The following COL24A1 variants were observed in gnomAD, a reference collection of about 807,000 sequenced individuals.
The protein encoded by COL24A1 is collagen alpha-1(XXIV) chain.
A neutral mutation model predicts 253.9 loss-of-function variants in COL24A1; 224 were observed. That is an observed-to-expected ratio of 0.88 (90% CI 0.79 to 0.99). The LOEUF (loss-of-function observed/expected upper bound fraction) is 0.99. Ranked by LOEUF, COL24A1 falls within the 50% of genes least tolerant of loss-of-function variation. The pLI, the probability that COL24A1 is intolerant of heterozygous loss-of-function variation, is 0.00. For missense variants in COL24A1, 2,131 were observed against 2,068.5 expected (o/e 1.03, Z -0.59); for synonymous variants, 685 against 673.7 (o/e 1.02, Z -0.26).
In COL24A1 at chr1:86,093,944, G is replaced by A. The variant is rs896091383; in HGVS notation, c.1600-1624C>T. Among the ~76,000 whole-genome samples the A allele has an allele frequency of 1.8e-4, 27 of 152,068 alleles. 3 individuals carry two copies. Among genetic ancestry groups the A allele is most frequent in the East Asian group, 1.2e-3 (6 of 5,184 alleles). On this transcript the variant is annotated intron_variant, in intron 5 of 59. Coordinates refer to ENST00000370571, the MANE Select transcript of COL24A1 (RefSeq NM_152890.7). ...CAATTCAAAACCACAATGAGATACC[G>A]TCTCACAACAGACAGAATGGCTATT...
intron 22 of COL24A1, 32 bp downstream of exon 22, chr1:85,970,195 C>A: frequency 6.5e-7 from 1 of 1,530,296 alleles, no homozygotes; most frequent in Non-Finnish European, 8.8e-7. Context: ...TCAAGAAAAG[C>A]ACTTATGGAA....
intron 24 of COL24A1, among the ~76,000 whole-genome samples, chr1:85,934,351 G>C (rs1688071088): frequency 6.6e-6 from 1 of 152,136 alleles, no homozygotes; most frequent in Non-Finnish European, 1.5e-5. Flanking sequence ...CAATCACAAT[G>C]ATTTAAATTC....
intron 2 of COL24A1, among the ~76,000 whole-genome samples, chr1:86,139,337 T>G (rs894536851): frequency 2.6e-5 from 4 of 152,026 alleles, no homozygotes; most frequent in Non-Finnish European, 4.4e-5. Flanking sequence ...ATTGACTCTG[T>G]GGGGGGAATA....
intron 20 of COL24A1, among the ~76,000 whole-genome samples, chr1:85,983,227 G>C (rs1269300451): frequency 2.6e-5 from 4 of 151,940 alleles, no homozygotes; most frequent in Admixed American, 6.6e-5. Flanking sequence ...GTTTACTGGA[G>C]AATAGAGAAT....
intron 53 of COL24A1, among the ~76,000 whole-genome samples, chr1:85,766,292 C>G (rs1330295278): frequency 7.1e-6 from 1 of 140,640 alleles, no homozygotes; most frequent in Non-Finnish European, 1.5e-5. Flanking sequence ...ATCACTTGAA[C>G]CAGAAGGTGG....
chr1:86,105,071 GA>G (rs939476668), intron 5 of COL24A1, among the ~76,000 whole-genome samples: 4 of 152,220 alleles, frequency 2.6e-5, no homozygotes, highest in African/African-American at 9.6e-5. Flanking sequence ...CACAGGGTGG[GA>G]GAGGGTCCAC....
chr1:85,964,993 A>C lies in COL24A1; in HGVS notation c.2517+16T>G. On this transcript the variant is annotated intron_variant, in intron 23 of 59. Coordinates refer to ENST00000370571, the MANE Select transcript of COL24A1 (RefSeq NM_152890.7). ...AAATTATATTTTAAAACTGATAATA[A>C]AGTCAGTTGCTTTACCTTTAAGCCT... 1.3e-6 allele frequency: 2 copies of C among 1,596,748 alleles called. No individual in the cohort carries two copies. The highest frequency in any genetic ancestry group is 1.7e-6 in the Non-Finnish European group (2 of 1,169,588).
intron 55 of COL24A1, among the ~76,000 whole-genome samples, chr1:85,747,710 G>A (rs1481168888): frequency 1.3e-5 from 2 of 152,038 alleles, no homozygotes; most frequent in African/African-American, 4.8e-5. Context: ...AAAAAGAAAA[G>A]TATTTAAGTC....
intron 48 of COL24A1, among the ~76,000 whole-genome samples, chr1:85,784,955 T>A (rs1431799489): frequency 6.6e-6 from 1 of 152,096 alleles, no homozygotes; most frequent in Non-Finnish European, 1.5e-5. Context: ...GGTCTTGAAC[T>A]ACTAGCCTCA....
chr1:85,792,942 A>G (rs189009636), intron 47 of COL24A1, among the ~76,000 whole-genome samples: 1 of 152,232 alleles, frequency 6.6e-6, no homozygotes, highest in Non-Finnish European at 1.5e-5. Context: ...TATTGCCCTT[A>G]AAGTTATAAA....
intron 47 of COL24A1, among the ~76,000 whole-genome samples, chr1:85,794,847 T>C (rs887462164): frequency 2.6e-5 from 4 of 152,156 alleles, no homozygotes; most frequent in African/African-American, 9.7e-5. Context: ...AATATAATTA[T>C]AAGAGTACAT....
At chr1:86,141,935 A>G (rs1651154732) in intron 2 of COL24A1, among the ~76,000 whole-genome samples, 2 of 151,868 alleles carry the variant, frequency 1.3e-5, no homozygotes, top group Non-Finnish European at 2.9e-5. Context: ...CTGACCTCAG[A>G]TAATGTACCC....
chr1:85,968,132 G>C (rs892498147), intron 22 of COL24A1, among the ~76,000 whole-genome samples: 6 of 152,110 alleles, frequency 3.9e-5, no homozygotes, highest in African/African-American at 1.2e-4. Flanking sequence ...GACTTAGACT[G>C]GTTCTCCTTG....
intron 16 of COL24A1, 21 bp from the exon 17 acceptor site, chr1:86,022,612 CAA>C: frequency 6.2e-7 from 1 of 1,606,536 alleles, no homozygotes; most frequent in Non-Finnish European, 8.5e-7. Flanking sequence ...CAATTTCATG[CAA>C]AGATACTTAT....
intron 12 of COL24A1, among the ~76,000 whole-genome samples, chr1:86,044,440 T>C (rs528586199): frequency 6.6e-6 from 1 of 152,300 alleles, no homozygotes; most frequent in Non-Finnish European, 1.5e-5. Context: ...ATAGCATACA[T>C]AATATATTAC....
At chr1:86,143,938 C>A (rs1365411808) in intron 2 of COL24A1, among the ~76,000 whole-genome samples, 1 of 152,060 alleles carries the variant, frequency 6.6e-6, no homozygotes. Context: ...CATATAAAAA[C>A]ACAATTTATC....
intron 14 of COL24A1, among the ~76,000 whole-genome samples, chr1:86,024,372 A>T (rs1018520708): frequency 6.6e-6 from 1 of 152,114 alleles, no homozygotes; most frequent in Non-Finnish European, 1.5e-5. Flanking sequence ...ACTGGCAGAT[A>T]ATGGTTCTGA....
intron 12 of COL24A1, among the ~76,000 whole-genome samples, chr1:86,041,329 C>A (rs1204847224): frequency 3.9e-5 from 6 of 152,100 alleles, no homozygotes; most frequent in Non-Finnish European, 7.4e-5. Flanking sequence ...ATTCGGATAG[C>A]AGTTTTCTAG....
At chr1:85,927,372 AC>A in intron 24 of COL24A1, among the ~76,000 whole-genome samples, 1 of 151,152 alleles carries the variant, frequency 6.6e-6, no homozygotes, top group East Asian at 2.0e-4. Flanking sequence ...CGCTTTTCAG[AC>A]CGGCTTAAGA....
Sources: allele counts gnomAD v4.1 joint callset (sites outside exome capture counted in the v4.1 genomes callset), GRCh38; gene constraint gnomAD v4.1.1; transcripts MANE v1.5; gene names NCBI Gene and HGNC (gene_info 2026-07-23, HGNC 2026-07-21).